PCNX1: variants seen among roughly 807,000 people sequenced by gnomAD.
PCNX1 encodes the protein pecanex 1, also known as pecanex-like protein 1.
PCNX1 carries 78 observed loss-of-function variants against 242.2 expected under a neutral mutation model. The observed-to-expected ratio is 0.32, with a 90% CI of 0.27 to 0.39. The LOEUF (loss-of-function observed/expected upper bound fraction) is 0.39. Among genes scored for constraint, PCNX1 ranks in the 10% least tolerant of loss-of-function variants. The pLI, the probability that PCNX1 is intolerant of heterozygous loss-of-function variation, is 1.00. For missense variants in PCNX1, 2,581 were observed against 2,856.5 expected (o/e 0.90, Z 2.20); for synonymous variants, 1,024 against 1,032.9 (o/e 0.99, Z 0.17).
intron 5 of PCNX1, among the ~76,000 whole-genome samples, chr14:70,975,917 C>T (rs764732605): frequency 1.3e-5 from 2 of 151,740 alleles, no homozygotes; most frequent in Non-Finnish European, 2.9e-5. Flanking sequence ...TTTTTAATTG[C>T]TATACCAATA....
At chr14:70,993,736 C>T (rs2059241776) in intron 7 of PCNX1, among the ~76,000 whole-genome samples, 1 of 152,142 alleles carries the variant, frequency 6.6e-6, no homozygotes, top group Non-Finnish European at 1.5e-5. Context: ...TTGTAAAATT[C>T]TGTGTCTTCT....
At chr14:70,981,767 A>G (rs2058846336) in intron 6 of PCNX1, among the ~76,000 whole-genome samples, 1 of 152,174 alleles carries the variant, frequency 6.6e-6, no homozygotes, top group African/African-American at 2.4e-5. Context: ...TCTAGCCTGT[A>G]TTACTTTTAA....
chr14:70,970,374 A>T (rs1334641254), intron 5 of PCNX1, among the ~76,000 whole-genome samples: 2 of 152,116 alleles, frequency 1.3e-5, no homozygotes, highest in African/African-American at 4.8e-5. Flanking sequence ...TCTCTCTCTC[A>T]GTCAATCAAC....
intron 19 of PCNX1, among the ~76,000 whole-genome samples, chr14:71,037,671 T>G (rs1400209349): frequency 6.6e-6 from 1 of 151,900 alleles, no homozygotes; most frequent in African/African-American, 2.4e-5. Flanking sequence ...CTTTTTGATG[T>G]GCTGCTGGAT....
chr14:70,970,521 A>AT (rs1223778819), intron 5 of PCNX1, among the ~76,000 whole-genome samples: 1 of 152,202 alleles, frequency 6.6e-6, no homozygotes, highest in Non-Finnish European at 1.5e-5. Context: ...TATATATCTT[A>AT]TTTTATATCT....
At chr14:71,081,512 T>G (rs2061854070) in intron 28 of PCNX1, among the ~76,000 whole-genome samples, 1 of 152,172 alleles carries the variant, frequency 6.6e-6, no homozygotes, top group African/African-American at 2.4e-5. Context: ...CTTTTTTTGG[T>G]TGGTAGGCTA....
At chr14:70,997,413 A>C (rs570825919) in intron 8 of PCNX1, among the ~76,000 whole-genome samples, 1 of 152,156 alleles carries the variant, frequency 6.6e-6, no homozygotes, top group Non-Finnish European at 1.5e-5. Flanking sequence ...ATTGTCCTCC[A>C]TAAGAATTCT....
rs2062747154 is a variant in PCNX1 at position 71,111,157 on chromosome 14, CTT to C, written c.*1223_*1224del. ...GAAATATTTATAACTGTGAAATTGA[CTT>C]AATTCATATGTTGTCTCATAACTTT... On this transcript the variant is annotated 3_prime_UTR_variant, in exon 36 of 36. Transcript: ENST00000304743. The C allele has an allele frequency of 6.6e-6, 1 of 152,532 alleles. No individual in the cohort carries two copies. Among genetic ancestry groups the C allele is most frequent in the Admixed American group, 6.5e-5 (1 of 15,286 alleles). 9.4% of individuals were successfully genotyped at this position (152,532 alleles called of 1,614,324 possible). A position where few individuals can be genotyped will look rare whatever the true frequency, so the allele number is the denominator to read the frequency against.
At chr14:71,038,378 G>GA (rs1362243426) in intron 19 of PCNX1, among the ~76,000 whole-genome samples, 3 of 139,772 alleles carry the variant, frequency 2.1e-5, no homozygotes, top group Non-Finnish European at 4.7e-5. Flanking sequence ...AAATTTACAA[G>GA]AAAAAAACAA....
chr14:71,037,124 T>C (rs1378221153), intron 19 of PCNX1, among the ~76,000 whole-genome samples: 3 of 152,010 alleles, frequency 2.0e-5, no homozygotes, highest in South Asian at 2.1e-4. Flanking sequence ...CTTGTGATTT[T>C]TGCACATTGA....
chr14:71,055,627 A>T (rs2286312), intron 25 of PCNX1, 65 bp downstream of exon 25: 5 of 916,050 alleles, frequency 5.5e-6, no homozygotes, highest in African/African-American at 1.7e-5. Context: ...ATATGTTTAT[A>T]TTCACTCCTA....
rs766299022 is a variant in PCNX1, at chr14:71,073,850, G to C, written c.5106+52G>C. The C allele has an allele frequency of 6.5e-6, 9 of 1,385,474 alleles. No individual in the cohort carries two copies. In the African/African-American group the frequency reaches 1.3e-4, roughly 20 times the overall value. 85.8% of individuals were successfully genotyped at this position (1,385,474 alleles called of 1,614,324 possible). On this transcript the variant is annotated intron_variant, in intron 27 of 35. Transcript: ENST00000304743. ...TTAGATAATCAGAGTTTCTTCTTGG[G>C]AATGACATATATAAGTATATATATA...
At chr14:71,012,869 G>T in intron 10 of PCNX1, 116 bp from the exon 11 acceptor site, 5 of 709,382 alleles carry the variant, frequency 7.0e-6, no homozygotes, top group Non-Finnish European at 1.2e-5. Flanking sequence ...AAAGGGCTTA[G>T]ATAACTGATA....
chr14:71,107,967 T>C (rs1242913590), intron 33 of PCNX1, among the ~76,000 whole-genome samples: 1 of 152,212 alleles, frequency 6.6e-6, no homozygotes, highest in East Asian at 1.9e-4. Flanking sequence ...GATAAGAATG[T>C]TTTAGAGCTA....
rs78357669 is a variant in PCNX1 at position 71,100,012 on chromosome 14, T to A, written c.5590-1978T>A. ...ACCAGACAAATGGATCTTTTTTTTT[T>A]AATCTACCTTGCAACTCTGTGTCTT... On this transcript the variant is annotated intron_variant, in intron 30 of 35. Coordinates refer to ENST00000304743, the MANE Select transcript of PCNX1 (RefSeq NM_014982.3). 8.6e-3 allele frequency among the ~76,000 whole-genome samples: 1,307 copies of A among 152,236 alleles called. 25 individuals carry two copies. The highest frequency in any genetic ancestry group is 0.03 in the African/African-American group (1,232 of 41,506).
At chr14:71,021,113 G>T (rs2060088463) in intron 12 of PCNX1, among the ~76,000 whole-genome samples, 1 of 152,126 alleles carries the variant, frequency 6.6e-6, no homozygotes, top group Middle Eastern at 3.4e-3. Flanking sequence ...CTGTTCCATT[G>T]GTCTTTATAT....
At chr14:71,009,810 AT>A (rs993012935) in intron 9 of PCNX1, 86 bp downstream of exon 9, 7 of 695,084 alleles carry the variant, frequency 1.0e-5, no homozygotes, top group African/African-American at 3.7e-5. Flanking sequence ...ATAAAAGTTA[AT>A]TTTTTTGTTT....
rs759841381 is a variant in PCNX1 at position 70,978,666 on chromosome 14, A to G, written c.2311+18A>G. 6.3e-6 allele frequency: 10 copies of G among 1,585,222 alleles called. No homozygotes were observed. The East Asian group carries it at 2.2e-4, about 35-fold the overall frequency. On this transcript the variant is annotated intron_variant, in intron 6 of 35. Transcript: ENST00000304743. ...CAGTGGAGGTAAGTAAACTGTAAGA[A>G]GAGATTTCTGTAAGACTCACTGCTT...
In PCNX1 at chr14:70,981,201, A is replaced by G. The variant is rs140030231; in HGVS notation, c.2311+2553A>G. ...GACTAAGGAGTTAAGTTCCTGGCAC[A>G]CAGTAAATGCTTACTAGTGCTGCTG... On this transcript the variant is annotated intron_variant, in intron 6 of 35. Coordinates refer to ENST00000304743, the MANE Select transcript of PCNX1 (RefSeq NM_014982.3). Among the ~76,000 whole-genome samples, 7 of 152,294 alleles carry G rather than the reference A, an allele frequency of 4.6e-5. No homozygotes were observed. The East Asian group carries it at 1.2e-3, about 25-fold the overall frequency.
Sources: allele counts gnomAD v4.1 joint callset (sites outside exome capture counted in the v4.1 genomes callset), GRCh38; gene constraint gnomAD v4.1.1; transcripts MANE v1.5; gene names NCBI Gene and HGNC (gene_info 2026-07-23, HGNC 2026-07-21).